Variants in CASD1 observed in about 807,000 individuals in gnomAD.
CASD1 encodes CAS1 domain sialic acid O acetyltransferase 1.
A neutral mutation model predicts 100.0 loss-of-function variants in CASD1; 41 were observed. The observed-to-expected ratio is 0.41, with a 90% CI of 0.32 to 0.53. The LOEUF is 0.53. Among genes scored for constraint, CASD1 ranks in the 20% least tolerant of loss-of-function variants. The pLI is 0.25. For missense variants in CASD1, 774 were observed against 948.7 expected (o/e 0.82, Z 2.42); for synonymous variants, 321 against 315.6 (o/e 1.02, Z -0.18).
the CASD1 span, chr7:94,588,452 C>T: frequency 1.5e-6 from 2 of 1,328,786 alleles, no homozygotes; most frequent in South Asian, 1.7e-5. Flanking sequence ...CTTAATTAGA[C>T]AGGACCTCCA....
At chr7:94,544,775 T>C (rs1795595053) in intron 11 of CASD1, among the ~76,000 whole-genome samples, 2 of 152,250 alleles carry the variant, frequency 1.3e-5, no homozygotes, top group South Asian at 4.1e-4. Context: ...GCATTGCTGA[T>C]TCACTTTAAT....
the CASD1 span, among the ~76,000 whole-genome samples, chr7:94,630,864 C>G: frequency 6.6e-6 from 1 of 151,926 alleles, no homozygotes; most frequent in African/African-American, 2.4e-5. Flanking sequence ...AAGCTCACAA[C>G]TTACTAAAAG....
the CASD1 span, chr7:94,617,435 A>G: frequency 2.6e-5 from 4 of 152,208 alleles, no homozygotes; most frequent in Non-Finnish European, 5.9e-5. Flanking sequence ...TGTTTTAACA[A>G]TTGTGGAACA....
the CASD1 span, among the ~76,000 whole-genome samples, chr7:94,593,086 C>T: frequency 5.3e-5 from 8 of 151,786 alleles, no homozygotes; most frequent in Non-Finnish European, 1.2e-4. Flanking sequence ...TGGAATTTTA[C>T]CATAAAGTTA....
intron 15 of CASD1, 142 bp from the exon 16 acceptor site, chr7:94,552,208 C>T: frequency 3.2e-6 from 2 of 626,270 alleles, no homozygotes; most frequent in East Asian, 3.0e-5. Flanking sequence ...AGCAAACTTG[C>T]AAGCAGTTTT....
intron 7 of CASD1, among the ~76,000 whole-genome samples, chr7:94,534,541 C>CATCT: frequency 6.6e-6 from 1 of 152,010 alleles, no homozygotes; most frequent in Middle Eastern, 3.4e-3. Flanking sequence ...AAATTGACAC[C>CATCT]ATCTGGTTTA....
intron 10 of CASD1, among the ~76,000 whole-genome samples, chr7:94,543,237 T>C (rs1191264210): frequency 1.3e-5 from 2 of 152,228 alleles, no homozygotes; most frequent in East Asian, 1.9e-4. Flanking sequence ...AGAAAAAATA[T>C]CCGTCCAAAA....
At chr7:94,519,377 C>T (rs1323239689) in intron 3 of CASD1, among the ~76,000 whole-genome samples, 3 of 152,054 alleles carry the variant, frequency 2.0e-5, no homozygotes, top group Non-Finnish European at 4.4e-5. Context: ...GGGAGTAGCT[C>T]ATGAATTTAT....
the CASD1 span, among the ~76,000 whole-genome samples, chr7:94,570,758 G>A: frequency 6.6e-6 from 1 of 152,186 alleles, no homozygotes; most frequent in Non-Finnish European, 1.5e-5. Flanking sequence ...GCCTCCCAAA[G>A]TGCTGGGATT....
intron 1 of CASD1, among the ~76,000 whole-genome samples, 168 bp from the exon 2 acceptor site, chr7:94,517,392 T>C (rs1794032852): frequency 6.6e-6 from 1 of 152,218 alleles, no homozygotes; most frequent in Non-Finnish European, 1.5e-5. Flanking sequence ...AATATTAATG[T>C]ATTAATATTT....
At chr7:94,604,832 T>TAC in the CASD1 span, among the ~76,000 whole-genome samples, 1 of 63,620 alleles carries the variant, frequency 1.6e-5, no homozygotes, top group African/African-American at 5.0e-5. Flanking sequence ...TATATATATA[T>TAC]ATATATATAT....
At chr7:94,570,481 T>C in the CASD1 span, among the ~76,000 whole-genome samples, 1 of 152,134 alleles carries the variant, frequency 6.6e-6, no homozygotes, top group East Asian at 1.9e-4. Flanking sequence ...AATATAGATT[T>C]ATGTTTTACA....
chr7:94,627,032 AAATT>A, the CASD1 span: 3 of 152,078 alleles, frequency 2.0e-5, no homozygotes, highest in Non-Finnish European at 4.4e-5. Flanking sequence ...ATATTTAAAA[AAATT>A]AATTTGACAA....
chr7:94,549,572 A>G lies in CASD1; in HGVS notation c.1753A>G (p.Lys585Glu). ...EKIFSLWPLSKCFELKGNVYE... is the reference protein window; with the variant it reads ...EKIFSLWPLSECFELKGNVYE... ...GATCTTTTCTCTTTGGCCATTGTCC[A>G]AGTGTTTTGAACTGAAAGGGAATGT... The change falls in exon 14 of 18, where the codon AAG (lysine) becomes GAG (glutamate). Residue 585 changes from lysine to glutamate, a missense_variant. Physicochemically the swap from Lys to Glu is moderately conservative, Grantham distance 56 (BLOSUM62 1). Around this residue, in one of 5 missense-constraint regions of CASD1, gnomAD observed 453 missense variants for 532.6 expected, o/e 0.85. Transcript: ENST00000297273. The G allele has an allele frequency of 6.2e-7, 1 of 1,611,574 alleles. No individual in the cohort carries two copies. Among genetic ancestry groups the G allele is most frequent in the Non-Finnish European group, 8.5e-7 (1 of 1,178,642 alleles).
At chr7:94,576,350 G>A in the CASD1 span, among the ~76,000 whole-genome samples, 144 of 152,230 alleles carry the variant, frequency 9.5e-4, 2 homozygotes, top group East Asian at 0.026. Flanking sequence ...CCATTGGCTG[G>A]CCCCTGGAAG....
the CASD1 span, chr7:94,617,519 T>G: frequency 6.6e-6 from 1 of 152,228 alleles, no homozygotes; most frequent in Admixed American, 6.5e-5. Flanking sequence ...CCCATTCATC[T>G]CATTCCACGG....
In CASD1 at chr7:94,544,502, G is replaced by A. The variant is rs1348334987; in HGVS notation, c.1448G>A (p.Gly483Glu). ...YGHFSYFWIK[G>E]DFGIYRVCQV... is the part of the protein sequence containing the mutation. Reference sequence around the variant, plus strand: ...CATTTCTCATACTTTTGGATAAAAGGAGATTTTGGAATCTATAGAGTATGT... The same window carrying A: ...CATTTCTCATACTTTTGGATAAAAGAAGATTTTGGAATCTATAGAGTATGT... Residue 483 changes from glycine (G) to glutamate (E), a missense_variant, in exon 11 of 18, where the codon GGA (glycine) becomes GAA (glutamate). Coordinates refer to ENST00000297273, the MANE Select transcript of CASD1 (RefSeq NM_022900.5). 1 of 1,612,930 alleles carries A rather than the reference G, an allele frequency of 6.2e-7. No homozygotes were observed. Among genetic ancestry groups the A allele is most frequent in the African/African-American group, 1.3e-5 (1 of 74,870 alleles).
chr7:94,535,660 C>A, intron 8 of CASD1, 137 bp downstream of exon 8: 1 of 648,750 alleles, frequency 1.5e-6, no homozygotes, highest in Non-Finnish European at 2.6e-6. Flanking sequence ...TATAAAGATA[C>A]ATCTAGAAAT....
rs768385106 is a variant in CASD1 at position 94,554,584 on chromosome 7, A to G, written c.2127+9A>G. 3.2e-6 allele frequency: 5 copies of G among 1,576,976 alleles called. No homozygotes were observed. The African/African-American group carries it at 6.8e-5, about 21-fold the overall frequency. On this transcript the variant is annotated intron_variant, in intron 17 of 17. Transcript: ENST00000297273. ...GAAAAATTTCATTAGAGGTTGGTACATTAATATTTTGCTTATCTTACACAG... is the reference window on the plus strand; with the variant it reads ...GAAAAATTTCATTAGAGGTTGGTACGTTAATATTTTGCTTATCTTACACAG...
Sources: allele counts gnomAD v4.1 joint callset (sites outside exome capture counted in the v4.1 genomes callset), GRCh38; gene constraint gnomAD v4.1.1; regional missense constraint gnomAD v4.1.1; transcripts MANE v1.5; gene names NCBI Gene and HGNC (gene_info 2026-07-23, HGNC 2026-07-21).